The following ZNF438 variants were observed in gnomAD, a reference collection of about 807,000 sequenced individuals.
ZNF438 encodes zinc finger protein 438.
A neutral mutation model predicts 38.0 loss-of-function variants in ZNF438; 25 were observed. That is an observed-to-expected ratio of 0.66 (90% CI 0.48 to 0.92). The LOEUF is 0.92. Among genes scored for constraint, ZNF438 ranks in the 40% least tolerant of loss-of-function variants. The pLI, the probability that ZNF438 is intolerant of heterozygous loss-of-function variation, is 0.00. For synonymous variants in ZNF438, 372 were observed against 364.1 expected, an observed-to-expected ratio of 1.02 and a Z score of -0.25; for missense variants, 1,007 against 999.6, an observed-to-expected ratio of 1.01 and a Z score of -0.10.
intron 4 of ZNF438, among the ~76,000 whole-genome samples, chr10:30,851,192 C>G (rs1425474938): frequency 6.6e-6 from 1 of 152,180 alleles, no homozygotes; most frequent in Non-Finnish European, 1.5e-5. Context: ...TAAAAAGCAC[C>G]TTCTAGGATA....
intron 1 of ZNF438, among the ~76,000 whole-genome samples, chr10:30,981,082 A>G (rs2052074269): frequency 6.6e-6 from 1 of 152,226 alleles, no homozygotes; most frequent in Non-Finnish European, 1.5e-5. Context: ...CTAGTTGTCC[A>G]ACAGTTACCA....
intron 3 of ZNF438, among the ~76,000 whole-genome samples, chr10:30,903,102 C>T (rs1014888689): frequency 6.6e-6 from 1 of 152,198 alleles, no homozygotes; most frequent in African/African-American, 2.4e-5. Context: ...AGTGCGGGGC[C>T]CGCCAAGCCC....
intron 1 of ZNF438, among the ~76,000 whole-genome samples, chr10:30,967,725 G>C (rs1157873655): frequency 6.6e-6 from 1 of 152,192 alleles, no homozygotes; most frequent in Non-Finnish European, 1.5e-5. Context: ...GAAGGAAGGA[G>C]CGATTTCTTG....
At chr10:30,948,691 G>A (rs1011379282) in intron 1 of ZNF438, among the ~76,000 whole-genome samples, 8,633 of 151,210 alleles carry the variant, frequency 0.057, 784 homozygotes, top group African/African-American at 0.2. Flanking sequence ...GAGAAGGGAA[G>A]TTTAGACAAA....
chr10:30,965,477 T>G (rs1431370729), intron 1 of ZNF438, among the ~76,000 whole-genome samples: 1 of 152,178 alleles, frequency 6.6e-6, no homozygotes, highest in Non-Finnish European at 1.5e-5. Flanking sequence ...TGAACTCCTA[T>G]GTTCATGACA....
intron 1 of ZNF438, among the ~76,000 whole-genome samples, chr10:31,017,580 T>A (rs1456561147): frequency 6.6e-6 from 1 of 152,236 alleles, no homozygotes. Context: ...AATCTGGTCA[T>A]AGATATTAAG....
At chr10:30,967,423 G>A (rs2050243000) in intron 1 of ZNF438, among the ~76,000 whole-genome samples, 1 of 152,132 alleles carries the variant, frequency 6.6e-6, no homozygotes, top group South Asian at 2.1e-4. Flanking sequence ...CTGATAAGTA[G>A]GCTAAAAGTA....
At chr10:30,975,423 G>A (rs2051230914) in intron 1 of ZNF438, among the ~76,000 whole-genome samples, 1 of 152,170 alleles carries the variant, frequency 6.6e-6, no homozygotes, top group Non-Finnish European at 1.5e-5. Flanking sequence ...GAATCTAAGT[G>A]CCACGCCCTG....
intron 1 of ZNF438, among the ~76,000 whole-genome samples, chr10:30,987,360 T>C (rs1335887380): frequency 6.6e-6 from 1 of 151,098 alleles, no homozygotes; most frequent in Non-Finnish European, 1.5e-5. Flanking sequence ...ACAAAGCTGA[T>C]GCTGAATTAA....
intron 1 of ZNF438, among the ~76,000 whole-genome samples, chr10:31,015,520 T>C (rs561116728): frequency 6.6e-6 from 1 of 152,202 alleles, no homozygotes; most frequent in East Asian, 1.9e-4. Flanking sequence ...GGTGTATGCC[T>C]GCAATCCCAG....
intron 1 of ZNF438, among the ~76,000 whole-genome samples, chr10:31,029,535 A>G (rs1212059422): frequency 6.6e-6 from 1 of 152,094 alleles, no homozygotes; most frequent in Non-Finnish European, 1.5e-5. Context: ...CGTATCACCA[A>G]TTCTACCGCC....
intron 1 of ZNF438, among the ~76,000 whole-genome samples, chr10:30,966,779 A>C (rs560820873): frequency 6.6e-6 from 1 of 152,260 alleles, no homozygotes; most frequent in South Asian, 2.1e-4. Flanking sequence ...TTGGCTCTTT[A>C]AAGCAGATTT....
intron 4 of ZNF438, among the ~76,000 whole-genome samples, chr10:30,851,664 T>C (rs1209151816): frequency 6.6e-6 from 1 of 152,228 alleles, no homozygotes; most frequent in Non-Finnish European, 1.5e-5. Context: ...CATGCAAATA[T>C]TCGCAAGTTG....
At chr10:30,917,558 G>A (rs188646889) in intron 2 of ZNF438, among the ~76,000 whole-genome samples, 2 of 152,198 alleles carry the variant, frequency 1.3e-5, no homozygotes, top group East Asian at 1.9e-4. Context: ...GACAAATGAC[G>A]CTGATCACAT....
chr10:30,968,379 A>C (rs938105005), intron 1 of ZNF438, among the ~76,000 whole-genome samples: 4 of 152,038 alleles, frequency 2.6e-5, no homozygotes, highest in African/African-American at 9.7e-5. Flanking sequence ...TACTCTATGT[A>C]AAAGTTTCTT....
intron 2 of ZNF438, among the ~76,000 whole-genome samples, chr10:30,936,003 T>C (rs2046216226): frequency 6.6e-6 from 1 of 152,106 alleles, no homozygotes; most frequent in African/African-American, 2.4e-5. Context: ...ACATCCAAAC[T>C]ATAGAAGAGG....
intron 3 of ZNF438, among the ~76,000 whole-genome samples, chr10:30,899,876 CA>C (rs2041785386): frequency 6.6e-6 from 1 of 152,050 alleles, no homozygotes; most frequent in South Asian, 2.1e-4. Flanking sequence ...CAAAACAAAC[CA>C]AAGTTTTCTG....
chr10:31,023,800 C>T (rs1487596904), intron 1 of ZNF438, among the ~76,000 whole-genome samples: 2 of 152,236 alleles, frequency 1.3e-5, no homozygotes, highest in African/African-American at 4.8e-5. Context: ...AGTACCTTTG[C>T]TCCTCAAAGC....
At position 30,922,333 on chromosome 10, in the gene ZNF438, T is replaced by C. The variant is rs73252615; in HGVS notation, c.-114-13318A>G. On this transcript the variant is annotated intron_variant, in intron 2 of 5. Transcript: ENST00000413025. ...GAATTCAGCCATGTGATGGTTGTCA[T>C]GGAGGCATATATTAACATATTTATT... 1.9e-3 allele frequency among the ~76,000 whole-genome samples: 288 copies of C among 152,336 alleles called. 1 individual carries two copies. The highest frequency in any genetic ancestry group is 6.5e-3 in the African/African-American group (270 of 41,584).
Sources: gnomAD v4.1 joint callset for allele counts (sites outside exome capture counted in the v4.1 genomes callset) on GRCh38, gnomAD v4.1.1 for gene constraint, MANE v1.5 for transcripts, NCBI Gene and HGNC (gene_info 2026-07-23, HGNC 2026-07-21) for gene names.